Variants in SVOPL observed in about 807,000 individuals in gnomAD.
The protein encoded by SVOPL is putative transporter SVOPL.
In SVOPL, 60 loss-of-function variants were observed where a neutral mutation model predicts 61.0. The ratio of observed to expected loss-of-function variants is 0.98; its 90% confidence interval spans 0.80 to 1.22. The LOEUF (loss-of-function observed/expected upper bound fraction) is 1.22. SVOPL is among the 50% of genes most tolerant of loss of function. The pLI, the probability that SVOPL is intolerant of heterozygous loss-of-function variation, is 0.00. For missense variants in SVOPL, 662 were observed against 643.9 expected (o/e 1.03, Z -0.30); for synonymous variants, 279 against 250.0 (o/e 1.12, Z -1.09).
At chr7:138,631,577 CTTTTT>C (rs375928011) in intron 9 of SVOPL, among the ~76,000 whole-genome samples, 1 of 150,490 alleles carries the variant, frequency 6.6e-6, no homozygotes, top group Non-Finnish European at 1.5e-5. Context: ...CTCCCCAAAG[CTTTTT>C]TTTTGGGAAG....
intron 14 of SVOPL, among the ~76,000 whole-genome samples, chr7:138,616,848 G>C (rs149257138): frequency 6.6e-6 from 1 of 152,232 alleles, no homozygotes; most frequent in African/African-American, 2.4e-5. Flanking sequence ...GTGCAGTGGT[G>C]CAAACATAGC....
In SVOPL at chr7:138,649,104, C is replaced by T. The variant is rs1353794167; in HGVS notation, c.568G>A (p.Gly190Ser). The T allele has an allele frequency of 3.1e-6, 5 of 1,612,726 alleles. No individual in the cohort carries two copies. The South Asian group carries it at 4.4e-5, about 14-fold the overall frequency. ...GTGGGGATGATCACAGAGGCCAAGC[C>T]AATGATGAGCAGGGAGCCCGCAAGC... ...FWLAGSLLII[G>S]LASVIIPTIG... The change falls in exon 8 of 16, where the codon GGC (glycine) becomes AGC (serine). Residue 190 changes from glycine (G) to serine (S), a missense_variant. By Grantham distance (56) the Gly-to-Ser change is moderately conservative. Transcript: ENST00000674285.
chr7:138,637,225 C>T (rs994868774), intron 9 of SVOPL, among the ~76,000 whole-genome samples: 1 of 151,860 alleles, frequency 6.6e-6, no homozygotes, highest in Non-Finnish European at 1.5e-5. Flanking sequence ...GCCAGGAATT[C>T]GAGGCCAGCC....
At chr7:138,688,424 C>A (rs75206837) in intron 1 of SVOPL, among the ~76,000 whole-genome samples, 12,179 of 151,958 alleles carry the variant, frequency 0.08, 1,325 homozygotes, top group African/African-American at 0.24. Flanking sequence ...CATGCACCAC[C>A]ACACTCGGCT....
At chr7:138,641,833 T>TCA (rs1554464903) in intron 9 of SVOPL, among the ~76,000 whole-genome samples, 7 of 37,222 alleles carry the variant, frequency 1.9e-4, no homozygotes, top group African/African-American at 5.0e-4. Context: ...TATATATATA[T>TCA]AACATATATA....
chr7:138,676,189 T>G (rs540838259), intron 3 of SVOPL, among the ~76,000 whole-genome samples: 7 of 152,114 alleles, frequency 4.6e-5, no homozygotes, highest in African/African-American at 1.7e-4. Flanking sequence ...GCGGGAGTAG[T>G]GGTGTGGGTT....
At chr7:138,618,696 G>A (rs1002634967) in intron 14 of SVOPL, among the ~76,000 whole-genome samples, 2 of 138,628 alleles carry the variant, frequency 1.4e-5, no homozygotes, top group Middle Eastern at 3.4e-3. Flanking sequence ...ATGAGAGCAC[G>A]CGTGCACACG....
At chr7:138,645,511 C>A (rs1419698706) in intron 8 of SVOPL, among the ~76,000 whole-genome samples, 1 of 152,132 alleles carries the variant, frequency 6.6e-6, no homozygotes, top group African/African-American at 2.4e-5. Context: ...TATTCTGACA[C>A]TTGATTTTCC....
intron 15 of SVOPL, among the ~76,000 whole-genome samples, chr7:138,595,985 C>T (rs946392773): frequency 1.4e-4 from 21 of 151,894 alleles, no homozygotes; most frequent in African/African-American, 4.8e-4. Flanking sequence ...GTCAGGAGTT[C>T]GAGACCAGCC....
At chr7:138,661,494 CCCATGCCCAGG>C in intron 5 of SVOPL, 1 of 983,840 alleles carries the variant, frequency 1.0e-6, no homozygotes, top group Non-Finnish European at 1.2e-6. Context: ...CATTCCCGCA[CCCATGCCCAGG>C]GTAATTGTAT....
At chr7:138,621,814 G>GTATCTATCTATCTATCTATCTATC (rs372400348) in intron 13 of SVOPL, among the ~76,000 whole-genome samples, 1 of 43,152 alleles carries the variant, frequency 2.3e-5, no homozygotes, top group African/African-American at 8.0e-5. Context: ...ATCTATCTAT[G>GTATCTATCTATCTATCTATCTATC]TATCTATGTA....
intron 9 of SVOPL, among the ~76,000 whole-genome samples, chr7:138,643,614 G>T (rs929113526): frequency 6.6e-6 from 1 of 151,922 alleles, no homozygotes; most frequent in African/African-American, 2.4e-5. Flanking sequence ...ATGCTACATG[G>T]ATGAACCTTA....
At chr7:138,603,999 C>T (rs1464496917) in intron 14 of SVOPL, among the ~76,000 whole-genome samples, 1 of 126,714 alleles carries the variant, frequency 7.9e-6, no homozygotes, top group Non-Finnish European at 1.6e-5. Context: ...GCGTCTCACT[C>T]TGTTGCCCAA....
chr7:138,618,395 T>TCA (rs1168551014), intron 14 of SVOPL, among the ~76,000 whole-genome samples: 1 of 151,988 alleles, frequency 6.6e-6, no homozygotes, highest in Non-Finnish European at 1.5e-5. Flanking sequence ...GCACGGTGGC[T>TCA]CACACCTGTA....
intron 1 of SVOPL, among the ~76,000 whole-genome samples, chr7:138,700,697 G>A (rs1001849298): frequency 1.8e-4 from 27 of 149,112 alleles, no homozygotes; most frequent in African/African-American, 6.1e-4. Context: ...TGGATGGATG[G>A]ATGGATGGAT....
At chr7:138,634,689 ATGGTGGCACATG>A (rs61576429) in intron 9 of SVOPL, among the ~76,000 whole-genome samples, 11,017 of 151,900 alleles carry the variant, frequency 0.073, 468 homozygotes, top group East Asian at 0.14. Context: ...TTAGCCAGGC[ATGGTGGCACATG>A]CCTGCAATTC....
chr7:138,664,340 C>T, intron 4 of SVOPL: 1 of 683,546 alleles, frequency 1.5e-6, no homozygotes, highest in South Asian at 6.5e-5. Flanking sequence ...CACCCCTGGC[C>T]CTCCATCGGG....
intron 6 of SVOPL, among the ~76,000 whole-genome samples, chr7:138,657,491 A>AG (rs1367521845): frequency 4.9e-5 from 7 of 143,984 alleles, no homozygotes; most frequent in Non-Finnish European, 7.5e-5. Context: ...ACCTGAGAGA[A>AG]GGTAAATAGT....
intron 10 of SVOPL, among the ~76,000 whole-genome samples, chr7:138,629,476 G>A (rs746008469): frequency 1.3e-4 from 20 of 152,134 alleles, no homozygotes; most frequent in Admixed American, 8.5e-4. Flanking sequence ...CAGGTGATCC[G>A]CCTGTCTCGG....
Sources: gnomAD v4.1 joint callset for allele counts (sites outside exome capture counted in the v4.1 genomes callset) on GRCh38, gnomAD v4.1.1 for gene constraint, MANE v1.5 for transcripts, NCBI Gene and HGNC (gene_info 2026-07-23, HGNC 2026-07-21) for gene names.